The following POU3F3 variants were observed in gnomAD, a reference collection of about 807,000 sequenced individuals.
POU3F3 encodes the protein POU class 3 homeobox 3, also known as POU domain, class 3, transcription factor 3.
Under a neutral mutation model 8.6 loss-of-function variants are expected in POU3F3, and 1 was observed. That is an observed-to-expected ratio of 0.12 (90% CI 0.04 to 0.55). The LOEUF is 0.55. Among genes scored for constraint, POU3F3 ranks in the 20% least tolerant of loss-of-function variants. The pLI is 0.91. For missense variants in POU3F3, 577 were observed against 690.7 expected (o/e 0.84, Z 1.84); for synonymous variants, 418 against 327.4 (o/e 1.28, Z -2.99).
At chr2:104,915,285 C>G in the POU3F3 span, among the ~76,000 whole-genome samples, 1 of 152,142 alleles carries the variant, frequency 6.6e-6, no homozygotes, top group Non-Finnish European at 1.5e-5. Flanking sequence ...TCAGGAAGCA[C>G]CTGCAGATAC....
At chr2:104,906,270 C>T in the POU3F3 span, among the ~76,000 whole-genome samples, 1 of 152,336 alleles carries the variant, frequency 6.6e-6, no homozygotes, top group East Asian at 1.9e-4. Flanking sequence ...AGTTCGCAAT[C>T]TGCATGTAAT....
chr2:104,873,760 A>G, the POU3F3 span, among the ~76,000 whole-genome samples: 1 of 152,082 alleles, frequency 6.6e-6, no homozygotes, highest in Non-Finnish European at 1.5e-5. Context: ...ACCACCACCA[A>G]AAACATACAC....
the POU3F3 span, among the ~76,000 whole-genome samples, chr2:104,889,130 C>A: frequency 6.6e-6 from 1 of 152,080 alleles, no homozygotes; most frequent in Non-Finnish European, 1.5e-5. Context: ...GAATGTTTTC[C>A]GTGATGCGAT....
chr2:104,888,162 G>A, the POU3F3 span, among the ~76,000 whole-genome samples: 44,118 of 152,032 alleles, frequency 0.29, 6,883 homozygotes, highest in East Asian at 0.62. Context: ...CACACACCTC[G>A]CTCTTTCTGT....
At chr2:104,903,718 G>A in the POU3F3 span, among the ~76,000 whole-genome samples, 1 of 152,206 alleles carries the variant, frequency 6.6e-6, no homozygotes, top group East Asian at 1.9e-4. Flanking sequence ...GGCAGGACAA[G>A]GAGACGGTTA....
rs1176871885 is a variant in POU3F3, at chr2:104,856,701, C to T, written c.1191C>T (p.Ile397=). Residue 397 remains isoleucine (I), a synonymous_variant, in exon 1 of 1, where the codon ATC becomes ATT. Transcript: ENST00000361360. The part of the protein sequence containing the change: ...ADSSTGSPTS[I]DKIAAQGRKR... ...CAAGCACCGGCAGCCCCACAAGCAT[C>T]GACAAGATCGCGGCGCAGGGCCGCA... 1.2e-6 allele frequency: 2 copies of T among 1,613,990 alleles called. No individual in the cohort carries two copies. The highest frequency in any genetic ancestry group is 1.3e-5 in the African/African-American group (1 of 74,932).
At chr2:104,889,430 C>T in the POU3F3 span, among the ~76,000 whole-genome samples, 3 of 152,188 alleles carry the variant, frequency 2.0e-5, no homozygotes, top group Admixed American at 6.5e-5. Flanking sequence ...GGAAGTTCCC[C>T]ATGCTCCACC....
chr2:104,853,753 C>G (rs1262203217), upstream of POU3F3: 4 of 152,130 alleles, frequency 2.6e-5, no homozygotes, highest in Non-Finnish European at 5.9e-5. Context: ...TTTTATCTCC[C>G]CTTTCTTCCC....
chr2:104,867,448 G>C, the POU3F3 span: 1 of 152,322 alleles, frequency 6.6e-6, no homozygotes, highest in Non-Finnish European at 1.5e-5. The surrounding 1 kb of genome is among the most constrained non-coding windows in gnomAD (Gnocchi z 5.0). Flanking sequence ...CCTTGCAGGC[G>C]TGTCCCCAGC....
the POU3F3 span, among the ~76,000 whole-genome samples, chr2:104,885,803 CTT>C: frequency 6.9e-6 from 1 of 145,236 alleles, no homozygotes. Context: ...TCCTTTCTTT[CTT>C]TTTTTTTTTG....
At chr2:104,911,049 T>C in the POU3F3 span, among the ~76,000 whole-genome samples, 2 of 152,130 alleles carry the variant, frequency 1.3e-5, no homozygotes, top group Admixed American at 6.6e-5. Context: ...TGAGTATTCA[T>C]GGATTTTGAT....
chr2:104,924,807 C>T, the POU3F3 span, among the ~76,000 whole-genome samples: 2 of 152,162 alleles, frequency 1.3e-5, no homozygotes, highest in East Asian at 3.9e-4. Context: ...CTGCTGGCTA[C>T]ACTATTCACT....
the POU3F3 span, among the ~76,000 whole-genome samples, chr2:104,897,071 G>A: frequency 2.0e-5 from 3 of 152,166 alleles, no homozygotes; most frequent in Admixed American, 6.5e-5. Flanking sequence ...CAGCACACCC[G>A]TGTCAGGAAT....
At chr2:104,872,608 T>C in the POU3F3 span, 1 of 263,604 alleles carries the variant, frequency 3.8e-6, no homozygotes, top group Non-Finnish European at 7.4e-6. This position sits in a 1 kb window ranked among gnomAD's most constrained non-coding sequence, Gnocchi z 4.6. Context: ...TGCGCCCGGG[T>C]CTCGGCGCGC....
chr2:104,881,100 C>CTCTTTCTTTCTTTCTTTCTT, the POU3F3 span, among the ~76,000 whole-genome samples: 14 of 120,562 alleles, frequency 1.2e-4, no homozygotes, highest in African/African-American at 3.0e-4. Flanking sequence ...TATATATTTT[C>CTCTTTCTTTCTTTCTTTCTT]TCTTTCTTTC....
At chr2:104,863,330 A>G (rs894259832), downstream of POU3F3, among the ~76,000 whole-genome samples, 7 of 151,996 alleles carry the variant, frequency 4.6e-5, no homozygotes, top group African/African-American at 1.7e-4. Context: ...AACTTCTGAA[A>G]GTTTCCCTGG....
chr2:104,860,892 A>G (rs1180024500), downstream of POU3F3, among the ~76,000 whole-genome samples: 1 of 150,272 alleles, frequency 6.7e-6, no homozygotes, highest in Non-Finnish European at 1.5e-5. Context: ...GACCATGCTC[A>G]TAATCTGTTT....
Position 104,855,073 on chromosome 2 carries a change from T to G in POU3F3, c.-438T>G, listed in dbSNP as rs1676520294. On this transcript the variant is annotated 5_prime_UTR_variant, in exon 1 of 1. Coordinates refer to ENST00000361360, the MANE Select transcript of POU3F3 (RefSeq NM_006236.3). ...CCCGGGAGAGCGCCCCGAGTGCAGG[T>G]CCCCGCCCCGCCCGGCGAGCCCCGC... 6.6e-6 allele frequency among the ~76,000 whole-genome samples: 1 copy of G among 151,020 alleles called. No homozygotes were observed. Among genetic ancestry groups the G allele is most frequent in the Non-Finnish European group, 1.5e-5 (1 of 67,678 alleles).
downstream of POU3F3, among the ~76,000 whole-genome samples, chr2:104,860,964 T>G (rs1676649374): frequency 6.6e-6 from 1 of 151,928 alleles, no homozygotes; most frequent in Admixed American, 6.6e-5. Flanking sequence ...CAGTATATAC[T>G]ATTGATAGTT....
Sources: allele counts gnomAD v4.1 joint callset (sites outside exome capture counted in the v4.1 genomes callset), GRCh38; gene constraint gnomAD v4.1.1; non-coding constraint Gnocchi (gnomAD v3.1); transcripts MANE v1.5; gene names NCBI Gene and HGNC (gene_info 2026-07-23, HGNC 2026-07-21).